OTOA: variants seen among roughly 807,000 people sequenced by gnomAD.
OTOA encodes cancer/testis antigen 108.
In OTOA, 70 loss-of-function variants were observed where a neutral mutation model predicts 110.8. The observed-to-expected ratio is 0.63, with a 90% CI of 0.52 to 0.77. The LOEUF is 0.77. OTOA is among the 30% of genes least tolerant of loss of function. OTOA has a pLI of 0.00. For missense variants in OTOA, 917 were observed against 1,075.8 expected (o/e 0.85, Z 2.06); for synonymous variants, 373 against 431.5 (o/e 0.86, Z 1.68).
intron 21 of OTOA, among the ~76,000 whole-genome samples, chr16:21,735,017 T>C (rs1029539636): frequency 2.6e-5 from 4 of 151,356 alleles, no homozygotes; most frequent in Non-Finnish European, 5.9e-5. Flanking sequence ...GCTGCATGCA[T>C]GTAATCCCAG....
intron 13 of OTOA, among the ~76,000 whole-genome samples, chr16:21,711,169 A>T (rs1898342672): frequency 6.6e-6 from 1 of 152,150 alleles, no homozygotes; most frequent in South Asian, 2.1e-4. Flanking sequence ...AACGTGTGGG[A>T]CTCATCCCAG....
chr16:21,734,764 G>T (rs1026510134), intron 21 of OTOA, among the ~76,000 whole-genome samples: 2 of 152,022 alleles, frequency 1.3e-5, no homozygotes, highest in Admixed American at 6.6e-5. Flanking sequence ...GTGAACCCAG[G>T]GGGCAGAGCT....
At chr16:21,719,578 ATC>A in intron 17 of OTOA, 74 bp downstream of exon 17, 2 of 1,330,284 alleles carry the variant, frequency 1.5e-6, no homozygotes, top group Non-Finnish European at 2.2e-6. Flanking sequence ...TGGCTGTGGC[ATC>A]TAAAGATCTT....
At chr16:21,698,982 G>T (rs944196835) in intron 10 of OTOA, among the ~76,000 whole-genome samples, 1 of 152,080 alleles carries the variant, frequency 6.6e-6, no homozygotes, top group Non-Finnish European at 1.5e-5. Flanking sequence ...ATGGAGTCTC[G>T]TTCTGTCGTC....
At chr16:21,724,078 C>T (rs1193579965) in intron 18 of OTOA, among the ~76,000 whole-genome samples, 2 of 152,066 alleles carry the variant, frequency 1.3e-5, no homozygotes, top group Non-Finnish European at 2.9e-5. Flanking sequence ...TCCAAGAAAG[C>T]CAGGTGCTGT....
intron 1 of OTOA, among the ~76,000 whole-genome samples, chr16:21,664,441 T>C (rs1355319600): frequency 6.6e-6 from 1 of 152,070 alleles, no homozygotes. Context: ...GGGGGGACGA[T>C]GAAACTTCGA....
intron 9 of OTOA, 75 bp from the exon 10 acceptor site, chr16:21,697,700 G>A (rs569290610): frequency 3.0e-6 from 4 of 1,313,248 alleles, no homozygotes; most frequent in South Asian, 2.4e-5. Flanking sequence ...CAAAGATGCT[G>A]TTGACTATCA....
intron 10 of OTOA, among the ~76,000 whole-genome samples, chr16:21,699,242 G>A (rs1479032408): frequency 4.6e-5 from 7 of 152,108 alleles, no homozygotes; most frequent in South Asian, 4.2e-4. Flanking sequence ...GTGAGACACC[G>A]CACCCAGCCT....
intron 10 of OTOA, 134 bp downstream of exon 10, chr16:21,698,009 T>C: frequency 1.3e-6 from 1 of 752,616 alleles, no homozygotes; most frequent in Non-Finnish European, 2.3e-6. Flanking sequence ...CCAATAGACC[T>C]TGGGCCTCTG....
intron 1 of OTOA, among the ~76,000 whole-genome samples, chr16:21,675,395 G>T (rs1226207199): frequency 3.1e-5 from 4 of 130,960 alleles, no homozygotes; most frequent in Non-Finnish European, 6.2e-5. Flanking sequence ...GGCCTCAAGT[G>T]ATTTGCCCAC....
At chr16:21,706,207 A>T (rs1037360040) in intron 12 of OTOA, among the ~76,000 whole-genome samples, 2 of 152,082 alleles carry the variant, frequency 1.3e-5, no homozygotes, top group African/African-American at 2.4e-5. Context: ...GAGGCCCAGG[A>T]CTCCCATCTT....
chr16:21,715,510 A>G (rs1482682611), intron 14 of OTOA, among the ~76,000 whole-genome samples: 1 of 148,540 alleles, frequency 6.7e-6, no homozygotes, highest in Non-Finnish European at 1.5e-5. Flanking sequence ...ATCATAGCTC[A>G]CCACAGTCTC....
At chr16:21,674,229 T>C in intron 1 of OTOA, among the ~76,000 whole-genome samples, 1 of 152,240 alleles carries the variant, frequency 6.6e-6, no homozygotes, top group East Asian at 1.9e-4. Context: ...CCAGAATAGC[T>C]GTACCACCTT....
At chr16:21,700,205 A>G (rs1463204778) in intron 10 of OTOA, among the ~76,000 whole-genome samples, 1 of 152,134 alleles carries the variant, frequency 6.6e-6, no homozygotes, top group African/African-American at 2.4e-5. Context: ...TCCATCACCC[A>G]AGGGCCATTT....
At chr16:21,692,658 T>C (rs1897854424) in intron 9 of OTOA, among the ~76,000 whole-genome samples, 1 of 152,078 alleles carries the variant, frequency 6.6e-6, no homozygotes. Context: ...CCGGGCATGG[T>C]GGCTCATGCC....
chr16:21,705,870 C>T (rs2141681391), intron 12 of OTOA, among the ~76,000 whole-genome samples: 1 of 151,612 alleles, frequency 6.6e-6, no homozygotes, highest in Admixed American at 6.6e-5. Flanking sequence ...GCCTGGGAGG[C>T]AGAGGTTGTG....
In OTOA at chr16:21,722,119, G is replaced by A. The variant is rs867955656; in HGVS notation, c.1807-786G>A. 3.4e-5 allele frequency among the ~76,000 whole-genome samples: 5 copies of A among 148,302 alleles called. 1 individual carries two copies. The highest frequency in any genetic ancestry group is 6.8e-3 in the Middle Eastern group (2 of 294). ...ATACAAAAAAAAAAAAAAATTAGCC[G>A]TGCATGGTGGGGGGTGCCTGTAATC... On this transcript the variant is annotated intron_variant, in intron 17 of 28. Transcript: ENST00000646100.
At chr16:21,671,119 A>G (rs906469991) in intron 1 of OTOA, among the ~76,000 whole-genome samples, 1 of 152,106 alleles carries the variant, frequency 6.6e-6, no homozygotes, top group African/African-American at 2.4e-5. Context: ...GAAAACAGCA[A>G]TCTGGTTTCT....
chr16:21,759,695 A>G (rs8055493), intron 28 of OTOA, among the ~76,000 whole-genome samples: 59,884 of 151,634 alleles, frequency 0.39, 12,193 homozygotes, highest in Middle Eastern at 0.48. Flanking sequence ...GGGGTTAGAA[A>G]TTTGAGATGA....
Sources: allele counts gnomAD v4.1 joint callset (sites outside exome capture counted in the v4.1 genomes callset), GRCh38; gene constraint gnomAD v4.1.1; transcripts MANE v1.5; gene names NCBI Gene and HGNC (gene_info 2026-07-23, HGNC 2026-07-21).